PRELID2: variants seen among roughly 807,000 people sequenced by gnomAD.
The protein encoded by PRELID2 is PRELI domain-containing protein 2.
In PRELID2, 25 loss-of-function variants were observed where a neutral mutation model predicts 28.4. The observed-to-expected ratio is 0.88, with a 90% CI of 0.64 to 1.23. The LOEUF is 1.23. Among genes scored for constraint, PRELID2 ranks in the 50% most tolerant of loss-of-function variants. The probability of loss-of-function intolerance (pLI) is 0.00; values close to 1 mark genes in which losing one functional copy is unlikely to be tolerated. For synonymous variants in PRELID2, 76 were observed against 71.6 expected (o/e 1.06, Z -0.31); for missense variants, 201 against 214.4 (o/e 0.94, Z 0.39).
chr5:145,569,988 T>G (rs1265676673), intron 1 of PRELID2, among the ~76,000 whole-genome samples: 8 of 152,140 alleles, frequency 5.3e-5, no homozygotes, highest in Admixed American at 4.6e-4. Context: ...ATCAAGGTGT[T>G]GGCCAGGTGG....
the PRELID2 span, among the ~76,000 whole-genome samples, chr5:145,362,838 T>A: frequency 6.6e-6 from 1 of 152,114 alleles, no homozygotes; most frequent in African/African-American, 2.4e-5. Flanking sequence ...TAGATCTTTC[T>A]AAGACATACA....
At chr5:145,587,412 G>T (rs898490789) in intron 1 of PRELID2, among the ~76,000 whole-genome samples, 7 of 152,220 alleles carry the variant, frequency 4.6e-5, no homozygotes, top group Admixed American at 3.9e-4. Flanking sequence ...TTAGAAAGAT[G>T]CCGATGTCGA....
intron 1 of PRELID2, among the ~76,000 whole-genome samples, chr5:145,633,960 G>T (rs1182598455): frequency 6.6e-6 from 1 of 152,124 alleles, no homozygotes. Context: ...CCCACTGGGA[G>T]AGCACAGATG....
In PRELID2 at chr5:145,796,324, T is replaced by C; in HGVS notation, c.474+118A>G. 4 of 527,792 alleles carry C rather than the reference T, an allele frequency of 7.6e-6. No individual in the cohort carries two copies. The Admixed American group carries it at 1.3e-4, about 17-fold the overall frequency. The allele number at this position is 527,792 out of a possible 1,614,324, so 32.7% of individuals were successfully genotyped here. A position where few individuals can be genotyped will look rare whatever the true frequency, so the allele number is the denominator to read the frequency against. Reference sequence around the variant, plus strand: ...GAGGTTGATTATTTTTGCATATATTTGTTTATTAACTATATGTTTTTCTCA... The same window carrying C: ...GAGGTTGATTATTTTTGCATATATTCGTTTATTAACTATATGTTTTTCTCA... On this transcript the variant is annotated intron_variant, in intron 5 of 6. Coordinates refer to ENST00000683046, the MANE Select transcript of PRELID2 (RefSeq NM_205846.3).
chr5:145,664,282 A>G (rs1316061720), intron 1 of PRELID2, among the ~76,000 whole-genome samples: 4 of 152,114 alleles, frequency 2.6e-5, no homozygotes, highest in Non-Finnish European at 5.9e-5. Flanking sequence ...CTTTAGATCT[A>G]CTTTTATTTG....
chr5:145,336,467 G>C, the PRELID2 span, among the ~76,000 whole-genome samples: 1 of 151,816 alleles, frequency 6.6e-6, no homozygotes. Flanking sequence ...GTAAGGAAGG[G>C]ATCCAGTTTC....
At chr5:145,738,224 C>T (rs548905644) in intron 1 of PRELID2, among the ~76,000 whole-genome samples, 5 of 152,132 alleles carry the variant, frequency 3.3e-5, no homozygotes, top group South Asian at 2.1e-4. Flanking sequence ...TCACAATAAC[C>T]GAGCTAAAAC....
At chr5:145,396,237 T>G in the PRELID2 span, among the ~76,000 whole-genome samples, 1 of 152,168 alleles carries the variant, frequency 6.6e-6, no homozygotes, top group Non-Finnish European at 1.5e-5. Flanking sequence ...AATAAGCTAC[T>G]GGGACATTAT....
chr5:145,518,490 G>A (rs961917950), intron 1 of PRELID2, among the ~76,000 whole-genome samples: 7 of 152,096 alleles, frequency 4.6e-5, no homozygotes, highest in Non-Finnish European at 7.4e-5. Context: ...GAACCACCAC[G>A]CCCGGCCATG....
At chr5:145,684,300 C>T (rs886715819) in intron 1 of PRELID2, among the ~76,000 whole-genome samples, 47 of 152,176 alleles carry the variant, frequency 3.1e-4, no homozygotes, top group Non-Finnish European at 7.3e-5. Flanking sequence ...TGAACTTTTA[C>T]GCAATCAGAA....
chr5:145,480,677 C>T (rs927095006), intron 1 of PRELID2, among the ~76,000 whole-genome samples: 1 of 152,066 alleles, frequency 6.6e-6, no homozygotes, highest in African/African-American at 2.4e-5. Context: ...GTGCCAGAAC[C>T]AAGACTCCAC....
chr5:145,806,060 C>CTGTA (rs1196385805), intron 4 of PRELID2, among the ~76,000 whole-genome samples: 3 of 152,204 alleles, frequency 2.0e-5, no homozygotes, highest in African/African-American at 7.2e-5. Flanking sequence ...TAGGATATTA[C>CTGTA]TGTACACTGC....
chr5:145,812,560 C>T (rs776280437), intron 4 of PRELID2, among the ~76,000 whole-genome samples: 3 of 152,222 alleles, frequency 2.0e-5, no homozygotes, highest in Non-Finnish European at 4.4e-5. Flanking sequence ...CACACATTTA[C>T]ACACACACAT....
the PRELID2 span, among the ~76,000 whole-genome samples, chr5:145,420,314 C>A: frequency 4.5e-3 from 684 of 150,478 alleles, 1 homozygote; most frequent in African/African-American, 0.015. Context: ...TCTGTAAATT[C>A]CCTTGGGCAG....
At chr5:145,485,821 T>A (rs1347766558) in intron 1 of PRELID2, among the ~76,000 whole-genome samples, 1 of 152,182 alleles carries the variant, frequency 6.6e-6, no homozygotes, top group Non-Finnish European at 1.5e-5. Context: ...AATTTGTTGA[T>A]CAAGACAAAT....
chr5:145,584,682 A>T (rs781032251), intron 1 of PRELID2, among the ~76,000 whole-genome samples: 1 of 150,990 alleles, frequency 6.6e-6, no homozygotes, highest in Non-Finnish European at 1.5e-5. Flanking sequence ...ACATGGAAAA[A>T]AGCTCAACAT....
intron 1 of PRELID2, among the ~76,000 whole-genome samples, chr5:145,685,293 T>A (rs1415234802): frequency 6.6e-6 from 1 of 152,108 alleles, no homozygotes; most frequent in African/African-American, 2.4e-5. Context: ...ACCTCTTACC[T>A]CCCTGTTTTC....
chr5:145,380,175 C>A, the PRELID2 span, among the ~76,000 whole-genome samples: 1 of 152,170 alleles, frequency 6.6e-6, no homozygotes, highest in Non-Finnish European at 1.5e-5. Flanking sequence ...CTCCTCATGC[C>A]GGGGTCCCAG....
the PRELID2 span, among the ~76,000 whole-genome samples, chr5:145,339,725 A>G: frequency 6.6e-6 from 1 of 152,140 alleles, no homozygotes; most frequent in South Asian, 2.1e-4. Flanking sequence ...AGAAAACTGC[A>G]CTTCCCGCAA....
Sources: gnomAD v4.1 joint callset for allele counts (sites outside exome capture counted in the v4.1 genomes callset) on GRCh38, gnomAD v4.1.1 for gene constraint, MANE v1.5 for transcripts, NCBI Gene and HGNC (gene_info 2026-07-23, HGNC 2026-07-21) for gene names.